The following TENM2 variants were observed in gnomAD, a reference collection of about 807,000 sequenced individuals.
TENM2 encodes teneurin transmembrane protein 2, also known as teneurin-2.
TENM2 carries 52 observed loss-of-function variants against 245.2 expected under a neutral mutation model. The ratio of observed to expected loss-of-function variants is 0.21; its 90% CI spans 0.17 to 0.27. TENM2 has a LOEUF of 0.27. Among genes scored for constraint, TENM2 ranks in the 10% least tolerant of loss-of-function variants. TENM2 has a pLI of 1.00. For synonymous variants in TENM2, 1,363 were observed against 1,438.9 expected, an observed-to-expected ratio of 0.95 and a Z score of 1.19; for missense variants, 3,046 against 3,666.8, an observed-to-expected ratio of 0.83 and a Z score of 4.37.
intron 24 of TENM2, 108 bp downstream of exon 26, chr5:168,226,371 G>T: frequency 1.1e-6 from 1 of 930,262 alleles, no homozygotes; most frequent in Non-Finnish European, 1.6e-6. Context: ...CAGAGACCCA[G>T]CGTACCCCTA....
At chr5:167,539,026 T>A (rs903478321) in intron 2 of TENM2, among the ~76,000 whole-genome samples, 1 of 152,186 alleles carries the variant, frequency 6.6e-6, no homozygotes, top group Non-Finnish European at 1.5e-5. Flanking sequence ...TATGTTTCAA[T>A]GTCACCTTTG....
At chr5:168,071,511 T>C (rs978278502) in intron 7 of TENM2, among the ~76,000 whole-genome samples, 1 of 152,168 alleles carries the variant, frequency 6.6e-6, no homozygotes, top group African/African-American at 2.4e-5. Context: ...ACACAAACTA[T>C]TTTTACCCTG....
the TENM2 span, among the ~76,000 whole-genome samples, chr5:167,123,150 A>G: frequency 6.6e-6 from 1 of 151,652 alleles, no homozygotes; most frequent in East Asian, 1.9e-4. Context: ...ATACAAAAAA[A>G]AAAAAAAAAA....
chr5:167,891,213 C>T (rs1055953045), intron 3 of TENM2, among the ~76,000 whole-genome samples: 3 of 152,018 alleles, frequency 2.0e-5, no homozygotes, highest in African/African-American at 7.2e-5. Flanking sequence ...ATTTGTTTAC[C>T]AAGTACAGTT....
At chr5:167,973,640 T>G (rs1781968933) in intron 4 of TENM2, among the ~76,000 whole-genome samples, 1 of 152,180 alleles carries the variant, frequency 6.6e-6, no homozygotes, top group Admixed American at 6.5e-5. Context: ...ATACGGGGTC[T>G]GAGTTCCATC....
At chr5:167,925,700 A>C (rs1777702062) in intron 3 of TENM2, among the ~76,000 whole-genome samples, 1 of 152,218 alleles carries the variant, frequency 6.6e-6, no homozygotes, top group South Asian at 2.1e-4. Flanking sequence ...ACATGGAATC[A>C]ACCTAAATGC....
At chr5:167,158,706 A>C in the TENM2 span, among the ~76,000 whole-genome samples, 1 of 152,074 alleles carries the variant, frequency 6.6e-6, no homozygotes, top group Non-Finnish European at 1.5e-5. Flanking sequence ...AAGGATACAA[A>C]TCTTACAAAT....
chr5:167,759,650 G>A (rs1185984731), intron 2 of TENM2, among the ~76,000 whole-genome samples: 4 of 152,136 alleles, frequency 2.6e-5, no homozygotes, highest in African/African-American at 7.2e-5. Context: ...GGATGTGCCA[G>A]GAAGCTCTAA....
chr5:167,469,237 G>C (rs987083139), intron 2 of TENM2, among the ~76,000 whole-genome samples: 1 of 152,026 alleles, frequency 6.6e-6, no homozygotes, highest in Non-Finnish European at 1.5e-5. Context: ...ATATTTTCAT[G>C]TCTATGTAAT....
At chr5:167,261,631 C>G in the TENM2 span, among the ~76,000 whole-genome samples, 1 of 152,096 alleles carries the variant, frequency 6.6e-6, no homozygotes, top group Non-Finnish European at 1.5e-5. Context: ...CCATTTCTCC[C>G]TTTTGTGACA....
At chr5:167,880,280 G>T (rs968398544) in intron 3 of TENM2, among the ~76,000 whole-genome samples, 1 of 151,946 alleles carries the variant, frequency 6.6e-6, no homozygotes, top group Non-Finnish European at 1.5e-5. Context: ...TGACCCACCC[G>T]CCTCAGCCTC....
chr5:167,433,879 C>A (rs1036009732), intron 2 of TENM2, among the ~76,000 whole-genome samples: 4 of 151,978 alleles, frequency 2.6e-5, no homozygotes, highest in Non-Finnish European at 5.9e-5. Flanking sequence ...CAATATAGTT[C>A]AGATCTTTGA....
intron 2 of TENM2, among the ~76,000 whole-genome samples, chr5:167,666,892 A>G (rs1755613157): frequency 6.6e-6 from 1 of 152,176 alleles, no homozygotes; most frequent in South Asian, 2.1e-4. Context: ...ATTTTTGAAT[A>G]CATTTAAGGT....
chr5:167,120,576 C>A, the TENM2 span, among the ~76,000 whole-genome samples: 10 of 152,272 alleles, frequency 6.6e-5, no homozygotes, highest in South Asian at 1.9e-3. Flanking sequence ...ATCTTATGGT[C>A]TTATGATTTA....
chr5:168,145,144 G>C (rs1211151120), intron 12 of TENM2, among the ~76,000 whole-genome samples: 8 of 143,646 alleles, frequency 5.6e-5, no homozygotes, highest in Admixed American at 2.1e-4. Flanking sequence ...TGTTCACTCT[G>C]ATGGTAGTTT....
intron 2 of TENM2, among the ~76,000 whole-genome samples, chr5:167,612,419 AG>A (rs2127752312): frequency 6.6e-6 from 1 of 152,210 alleles, no homozygotes; most frequent in Non-Finnish European, 1.5e-5. Context: ...CTTTACATCT[AG>A]GCATACTGCA....
intron 7 of TENM2, chr5:168,085,334 TGTTTG>T (rs1490458159): frequency 6.6e-6 from 1 of 152,208 alleles, no homozygotes; most frequent in Non-Finnish European, 1.5e-5. Context: ...CAGGGAACCC[TGTTTG>T]TTTCCTCTGT....
At chr5:167,262,338 A>G in the TENM2 span, among the ~76,000 whole-genome samples, 8 of 151,826 alleles carry the variant, frequency 5.3e-5, no homozygotes, top group African/African-American at 1.9e-4. Context: ...AGCCTGGGCA[A>G]CAAGAGTGTA....
At chr5:167,990,996 A>T (rs1783622770) in intron 4 of TENM2, among the ~76,000 whole-genome samples, 3 of 152,124 alleles carry the variant, frequency 2.0e-5, no homozygotes, top group Admixed American at 6.5e-5. Context: ...GGATGTAAAT[A>T]AAAAAATTTT....
Sources: allele counts gnomAD v4.1 joint callset (sites outside exome capture counted in the v4.1 genomes callset), GRCh38; gene constraint gnomAD v4.1.1; transcripts MANE v1.5; gene names NCBI Gene and HGNC (gene_info 2026-07-23, HGNC 2026-07-21).